The following AGAP1 variants were observed in gnomAD, a reference collection of about 807,000 sequenced individuals.
The protein encoded by AGAP1 is arf-GAP with GTPase, ANK repeat and PH domain-containing protein 1.
A neutral mutation model predicts 105.3 loss-of-function variants in AGAP1; 29 were observed. The observed-to-expected ratio is 0.28, with a 90% CI of 0.21 to 0.38. AGAP1 has a LOEUF of 0.38. Among genes scored for constraint, AGAP1 ranks in the 10% least tolerant of loss-of-function variants. AGAP1 has a pLI of 1.00. For synonymous variants in AGAP1, 509 were observed against 485.9 expected (o/e 1.05, Z -0.63); for missense variants, 998 against 1,165.1 (o/e 0.86, Z 2.09).
At position 235,578,530 on chromosome 2, in the gene AGAP1, C is replaced by T. The variant is rs1209354544; in HGVS notation, c.163+83681C>T. On this transcript the variant is annotated intron_variant, in intron 1 of 17. Transcript: ENST00000304032. The surrounding 1 kb of genome is among the most constrained non-coding windows in gnomAD (Gnocchi z 4.9). ...GACTGGACGCAGTGGCTTATGCCAC[C>T]CCAGCACTTTGGGAGGCTGAGGCAG... 6.6e-6 allele frequency among the ~76,000 whole-genome samples: 1 copy of T among 152,114 alleles called. No homozygotes were observed. The highest frequency in any genetic ancestry group is 2.4e-5 in the African/African-American group (1 of 41,422).
chr2:235,823,120 G>A (rs574539925), intron 9 of AGAP1, among the ~76,000 whole-genome samples: 9 of 152,062 alleles, frequency 5.9e-5, no homozygotes, highest in Non-Finnish European at 1.0e-4. Context: ...TTTCCAAGTA[G>A]TTTCTCTCAG....
chr2:235,924,304 G>A (rs189677312), intron 11 of AGAP1, among the ~76,000 whole-genome samples: 51 of 152,176 alleles, frequency 3.4e-4, no homozygotes, highest in African/African-American at 1.1e-3. Context: ...TTCCAGCAGC[G>A]GTGGGCTCCC....
At chr2:236,022,284 C>T (rs1203034856) in intron 13 of AGAP1, among the ~76,000 whole-genome samples, 3 of 152,190 alleles carry the variant, frequency 2.0e-5, no homozygotes, top group African/African-American at 7.2e-5. Context: ...TTTGCTTCTT[C>T]ACAGAATTAA....
intron 9 of AGAP1, chr2:235,852,828 A>G: frequency 4.7e-6 from 7 of 1,502,794 alleles, no homozygotes; most frequent in Non-Finnish European, 6.2e-6. Context: ...CAATCAGCCC[A>G]GCTGTCCGGG....
At chr2:235,805,295 T>C (rs769228662) in intron 8 of AGAP1, among the ~76,000 whole-genome samples, 1 of 152,210 alleles carries the variant, frequency 6.6e-6, no homozygotes, top group Non-Finnish European at 1.5e-5. Flanking sequence ...TCACAGTTCA[T>C]GTTCTAAGGT....
Position 235,686,640 on chromosome 2 carries a change from TATATAGATATATATATATATA to T in AGAP1, c.164-22538_164-22518del, listed in dbSNP as rs1559350813. Among the ~76,000 whole-genome samples the T allele has an allele frequency of 1.4e-3, 66 of 48,654 alleles. 4 individuals are homozygous for T. The highest frequency in any genetic ancestry group is 4.6e-3 in the African/African-American group (44 of 9,592). The allele number at this position is 48,654 out of a possible 152,430, so 31.9% of individuals were successfully genotyped here. On this transcript the variant is annotated intron_variant, in intron 1 of 17. Transcript: ENST00000304032. The stretch of plus-strand genomic sequence containing the variant: ...ATATAGATATATATATATATATATA[TATATAGATATATATATATATA>T]TATATTTTTTTTTTTTTTTAGACAG...
chr2:236,099,061 A>G (rs903377095), intron 16 of AGAP1, among the ~76,000 whole-genome samples: 4 of 151,958 alleles, frequency 2.6e-5, no homozygotes, highest in South Asian at 2.1e-4. Flanking sequence ...GCCAGCAGGT[A>G]GGCTGCTGGG....
At position 235,872,445 on chromosome 2, in the gene AGAP1, C is replaced by A. The variant is rs2049491342; in HGVS notation, c.1051-10900C>A. Among the ~76,000 whole-genome samples, 1 of 152,078 alleles carries A rather than the reference C, an allele frequency of 6.6e-6. No homozygotes were observed. Among genetic ancestry groups the A allele is most frequent in the Non-Finnish European group, 1.5e-5 (1 of 68,016 alleles). On this transcript the variant is annotated intron_variant, in intron 9 of 17. Transcript: ENST00000304032. This position sits in a 1 kb window ranked among gnomAD's most constrained non-coding sequence, Gnocchi z 4.5. Reference sequence around the variant, plus strand: ...GTATGCATGGTGACATGCCACCATGCCGCTGGCCCTGGGTTATGCAGAATC... The same window carrying A: ...GTATGCATGGTGACATGCCACCATGACGCTGGCCCTGGGTTATGCAGAATC...
At chr2:235,677,056 G>T (rs774272711) in intron 1 of AGAP1, among the ~76,000 whole-genome samples, 1 of 152,190 alleles carries the variant, frequency 6.6e-6, no homozygotes, top group Non-Finnish European at 1.5e-5. Context: ...TTCCTTGTTG[G>T]TGATAGCCCT....
intron 6 of AGAP1, among the ~76,000 whole-genome samples, chr2:235,764,688 G>A (rs190658312): frequency 0.022 from 3,093 of 139,196 alleles, 111 homozygotes; most frequent in African/African-American, 0.078. Flanking sequence ...ATCTGGGAGC[G>A]CCCGTGGGGT....
chr2:236,124,211 C>A lies in AGAP1; in HGVS notation c.*89C>A, dbSNP rs192198970. On this transcript the variant is annotated 3_prime_UTR_variant, in exon 18 of 18. Coordinates refer to ENST00000304032, the MANE Select transcript of AGAP1 (RefSeq NM_001037131.3). The surrounding 1 kb of genome is among the most constrained non-coding windows in gnomAD (Gnocchi z 5.1). Reference sequence around the variant, plus strand: ...AGAAGTCGCAGCACGTGAGTCCCGTCGCATCCCCTCCCTCTTCCTGGTGGC... The same window carrying A: ...AGAAGTCGCAGCACGTGAGTCCCGTAGCATCCCCTCCCTCTTCCTGGTGGC... 1.4e-6 allele frequency: 2 copies of A among 1,392,482 alleles called. No homozygotes were observed. Among genetic ancestry groups the A allele is most frequent in the South Asian group, 1.3e-5 (1 of 74,120 alleles). The allele number at this position is 1,392,482 out of a possible 1,614,324, so 86.3% of individuals were successfully genotyped here. A position where few individuals can be genotyped will look rare whatever the true frequency, so the allele number is the denominator to read the frequency against.
rs2055409210 is a variant in AGAP1, at chr2:235,988,299, T to C, written c.1645+19676T>C. On this transcript the variant is annotated intron_variant, in intron 13 of 17. Coordinates refer to ENST00000304032, the MANE Select transcript of AGAP1 (RefSeq NM_001037131.3). The surrounding 1 kb of genome is among the most constrained non-coding windows in gnomAD (Gnocchi z 4.7). ...TTCAGGTGATCCACCTGCCTCGGCCTCCCAAAGTGGTAGGATTACAGGCGT... is the reference window on the plus strand; with the variant it reads ...TTCAGGTGATCCACCTGCCTCGGCCCCCCAAAGTGGTAGGATTACAGGCGT... 6.6e-6 allele frequency among the ~76,000 whole-genome samples: 1 copy of C among 152,204 alleles called. No homozygotes were observed. Among genetic ancestry groups the C allele is most frequent in the African/African-American group, 2.4e-5 (1 of 41,460 alleles).
chr2:235,689,752 A>G lies in AGAP1; in HGVS notation c.164-19427A>G, dbSNP rs957354592. On this transcript the variant is annotated intron_variant, in intron 1 of 17. Transcript: ENST00000304032. The surrounding 1 kb of genome is among the most constrained non-coding windows in gnomAD (Gnocchi z 4.2). ...CTGCACTGTTGGTAAACTGTCCTGC[A>G]TGTGTGTACGTGCACACTTGTGTGA... 2.0e-5 allele frequency among the ~76,000 whole-genome samples: 3 copies of G among 152,172 alleles called. No individual in the cohort carries two copies. The highest frequency in any genetic ancestry group is 2.9e-5 in the Non-Finnish European group (2 of 68,038).
Position 236,123,972 on chromosome 2 carries a change from C to A in AGAP1, c.2424C>A (p.Tyr808Ter). 1 of 1,613,956 alleles carries A rather than the reference C, an allele frequency of 6.2e-7. No individual in the cohort carries two copies. The highest frequency in any genetic ancestry group is 8.5e-7 in the Non-Finnish European group (1 of 1,179,994). Residue 808 changes from tyrosine to a stop codon, truncating the protein, a stop_gained, in exon 18 of 18, where the codon TAC becomes TAA. Transcript: ENST00000304032. LOFTEE classifies it high-confidence loss of function. The surrounding 1 kb of genome is among the most constrained non-coding windows in gnomAD (Gnocchi z 4.6). ...RDAHGNTALA[Y>*]ARQASSQECI... ...CCCACGGGAACACAGCTCTGGCCTA[C>A]GCCCGGCAGGCCTCCAGCCAGGAGT...
chr2:235,706,313 C>T (rs1950530701), intron 1 of AGAP1, among the ~76,000 whole-genome samples: 1 of 152,200 alleles, frequency 6.6e-6, no homozygotes, highest in Non-Finnish European at 1.5e-5. Context: ...CAACCTCCGC[C>T]TCCTGGGTTG....
In AGAP1 at chr2:236,072,223, CAAGGCCA is replaced by C. The variant is rs563941600; in HGVS notation, c.2114+22944_2114+22950del. On this transcript the variant is annotated intron_variant, in intron 16 of 17. Transcript: ENST00000304032. ...TTGGGAGGCCAAGGCAGACAGATCA[CAAGGCCA>C]AGAGATCGAGACCATCTTGGCCAAC... 1.6e-4 allele frequency: 24 copies of C among 148,696 alleles called. No homozygotes were observed. The East Asian group carries it at 4.6e-3, about 29-fold the overall frequency. The allele number at this position is 148,696 out of a possible 1,614,324, so 9.2% of individuals were successfully genotyped here.
intron 1 of AGAP1, among the ~76,000 whole-genome samples, chr2:235,648,080 G>A (rs147124069): frequency 1.3e-5 from 2 of 152,220 alleles, no homozygotes; most frequent in Non-Finnish European, 2.9e-5. Context: ...CTGTAGGCTG[G>A]CGTTGAAAAG....
intron 11 of AGAP1, among the ~76,000 whole-genome samples, chr2:235,926,793 G>A (rs1421718888): frequency 6.6e-6 from 1 of 152,208 alleles, no homozygotes. Context: ...GCAGTGGGGT[G>A]TGGGGAGGCA....
Position 235,709,250 on chromosome 2 carries a change from C to T in AGAP1, c.222+13C>T, listed in dbSNP as rs1364270966. 1.9e-6 allele frequency: 3 copies of T among 1,613,920 alleles called. No individual in the cohort carries two copies. Among genetic ancestry groups the T allele is most frequent in the East Asian group, 2.2e-5 (1 of 44,852 alleles). On this transcript the variant is annotated intron_variant, in intron 2 of 17. Coordinates refer to ENST00000304032, the MANE Select transcript of AGAP1 (RefSeq NM_001037131.3). ...GGAGCTCAAAGTGGTGAGTGGTTCCCTCTGGCCCTGGCACCTGTGGGAAGG... is the reference window on the plus strand; with the variant it reads ...GGAGCTCAAAGTGGTGAGTGGTTCCTTCTGGCCCTGGCACCTGTGGGAAGG...
Sources: allele counts gnomAD v4.1 joint callset (sites outside exome capture counted in the v4.1 genomes callset), GRCh38; gene constraint gnomAD v4.1.1; non-coding constraint Gnocchi (gnomAD v3.1); transcripts MANE v1.5; gene names NCBI Gene and HGNC (gene_info 2026-07-23, HGNC 2026-07-21).